IL15RA: variants seen among roughly 807,000 people sequenced by gnomAD.
The protein encoded by IL15RA is interleukin-15 receptor subunit alpha.
Under a neutral mutation model 24.2 loss-of-function variants are expected in IL15RA, and 26 were observed. That is an observed-to-expected ratio of 1.07 (90% CI 0.79 to 1.49). The LOEUF (loss-of-function observed/expected upper bound fraction) is 1.49, where lower values mean the gene tolerates loss of function less well. Ranked by LOEUF, IL15RA falls within the 40% of genes most tolerant of loss-of-function variation. The pLI is 0.00. For synonymous variants in IL15RA, 166 were observed against 157.6 expected, an observed-to-expected ratio of 1.05 and a Z score of -0.40; for missense variants, 354 against 356.4, an observed-to-expected ratio of 0.99 and a Z score of 0.05.
At position 5,964,970 on chromosome 10, in the gene IL15RA, G is replaced by A. The variant is rs1175825968; in HGVS notation, c.284-1129C>T. On this transcript the variant is annotated intron_variant, in intron 2 of 6. Transcript: ENST00000379977. This position sits in a 1 kb window ranked among gnomAD's most constrained non-coding sequence, Gnocchi z 5.6. Reference sequence around the variant, plus strand: ...GCCTGTGTGACTCGCTCTGTTCTGGGGGAGGAGGCTGAGCTACCACTACCA... The same window carrying A: ...GCCTGTGTGACTCGCTCTGTTCTGGAGGAGGAGGCTGAGCTACCACTACCA... Among the ~76,000 whole-genome samples, 1 of 152,208 alleles carries A rather than the reference G, an allele frequency of 6.6e-6. No homozygotes were observed. Among genetic ancestry groups the A allele is most frequent in the African/African-American group, 2.4e-5 (1 of 41,456 alleles).
Position 5,953,232 on chromosome 10 carries a change from T to G in IL15RA, c.693-26A>C, listed in dbSNP as rs367704281. On this transcript the variant is annotated intron_variant, in intron 6 of 6. Transcript: ENST00000379977. The surrounding 1 kb of genome is among the most constrained non-coding windows in gnomAD (Gnocchi z 5.3). ...CTGCAAAGCAGGTGGTTCATAGGTT[T>G]TGAAAAGAGGAGGGGGTTGCCCTCA... 436 of 1,550,142 alleles carry G rather than the reference T, an allele frequency of 2.8e-4. 1 individual carries two copies. Among genetic ancestry groups the G allele is most frequent in the Non-Finnish European group, 6.7e-5 (75 of 1,121,714 alleles).
downstream of IL15RA, among the ~76,000 whole-genome samples, chr10:5,950,117 G>A (rs1019284808): frequency 1.3e-5 from 2 of 151,732 alleles, no homozygotes; most frequent in South Asian, 2.1e-4. The surrounding 1 kb of genome is among the most constrained non-coding windows in gnomAD (Gnocchi z 5.6). Context: ...CTTATTTCTT[G>A]ATCAAGAAAA....
At chr10:5,954,806 A>G (rs1037863897) in intron 6 of IL15RA, among the ~76,000 whole-genome samples, 1 of 152,210 alleles carries the variant, frequency 6.6e-6, no homozygotes, top group African/African-American at 2.4e-5. Context: ...AGCATTTTAT[A>G]TTGGAAATTC....
intron 1 of IL15RA, among the ~76,000 whole-genome samples, chr10:5,974,369 C>A (rs1016336915): frequency 6.6e-6 from 1 of 152,030 alleles, no homozygotes; most frequent in Non-Finnish European, 1.5e-5. Flanking sequence ...ATATACATGG[C>A]AAATAAGCAC....
upstream of IL15RA, among the ~76,000 whole-genome samples, chr10:5,978,575 C>T (rs1838778681): frequency 6.6e-6 from 1 of 152,172 alleles, no homozygotes; most frequent in African/African-American, 2.4e-5. The surrounding 1 kb of genome is among the most constrained non-coding windows in gnomAD (Gnocchi z 5.2). Context: ...CAAACCTGCA[C>T]TTATAACCCT....
At position 5,960,324 on chromosome 10, in the gene IL15RA, G is replaced by A. The variant is rs754396171; in HGVS notation, c.583+43C>T. 2.6e-6 allele frequency: 4 copies of A among 1,536,212 alleles called. No individual in the cohort carries two copies. In the South Asian group the frequency reaches 4.5e-5, roughly 17 times the overall value. ...GATCTCAGCCCCGATCTCAGAAGCAGCAATGGGGAACTGACCTCTCCTGGG... is the reference window on the plus strand; with the variant it reads ...GATCTCAGCCCCGATCTCAGAAGCAACAATGGGGAACTGACCTCTCCTGGG... On this transcript the variant is annotated intron_variant, in intron 4 of 6. Transcript: ENST00000379977. This position sits in a 1 kb window ranked among gnomAD's most constrained non-coding sequence, Gnocchi z 5.1.
rs991111146 is a variant in IL15RA at position 5,971,097 on chromosome 10, C to A, written c.89-4758G>T. On this transcript the variant is annotated intron_variant, in intron 1 of 6. Coordinates refer to ENST00000379977, the MANE Select transcript of IL15RA (RefSeq NM_002189.4). The surrounding 1 kb of genome is among the most constrained non-coding windows in gnomAD (Gnocchi z 5.5). ...GAATTATACTTTCTATATATTCTCTCATAACATTGTTCCCTAGTTATTCAA... is the reference window on the plus strand; with the variant it reads ...GAATTATACTTTCTATATATTCTCTAATAACATTGTTCCCTAGTTATTCAA... Among the ~76,000 whole-genome samples the A allele has an allele frequency of 6.6e-6, 1 of 152,206 alleles. No homozygotes were observed. Among genetic ancestry groups the A allele is most frequent in the African/African-American group, 2.4e-5 (1 of 41,448 alleles).
At chr10:5,951,257 A>AG (rs1205214761), downstream of IL15RA, among the ~76,000 whole-genome samples, 1 of 149,924 alleles carries the variant, frequency 6.7e-6, no homozygotes, top group African/African-American at 2.5e-5. Context: ...CTTGAGGCGG[A>AG]GGTTGCAGTG....
rs1240017312 is a variant in IL15RA, at chr10:5,968,458, G to A, written c.89-2119C>T. Reference sequence around the variant, plus strand: ...GCGCTCTGCTCACTTCCTGTCTCAGGCATCTATTGTCCAGTGGCCGCCACT... The same window carrying A: ...GCGCTCTGCTCACTTCCTGTCTCAGACATCTATTGTCCAGTGGCCGCCACT... On this transcript the variant is annotated intron_variant, in intron 1 of 6. Coordinates refer to ENST00000379977, the MANE Select transcript of IL15RA (RefSeq NM_002189.4). The surrounding 1 kb of genome is among the most constrained non-coding windows in gnomAD (Gnocchi z 5.4). 13 of 319,230 alleles carry A rather than the reference G, an allele frequency of 4.1e-5. No homozygotes were observed. Among genetic ancestry groups the A allele is most frequent in the Non-Finnish European group, 7.1e-5 (12 of 169,278 alleles). The allele number at this position is 319,230 out of a possible 1,614,324, so 19.8% of individuals were successfully genotyped here. A position where few individuals can be genotyped will look rare whatever the true frequency, so the allele number is the denominator to read the frequency against.
In IL15RA at chr10:5,965,910, G is replaced by A. The variant is rs1396819015; in HGVS notation, c.283+235C>T. On this transcript the variant is annotated intron_variant, in intron 2 of 6. Coordinates refer to ENST00000379977, the MANE Select transcript of IL15RA (RefSeq NM_002189.4). This position sits in a 1 kb window ranked among gnomAD's most constrained non-coding sequence, Gnocchi z 5.8. Reference sequence around the variant, plus strand: ...TACTTTTTGTATTTTTAGTAGAAACGGGGTTTCACCATGTTGGCCGGGCTG... The same window carrying A: ...TACTTTTTGTATTTTTAGTAGAAACAGGGTTTCACCATGTTGGCCGGGCTG... Among the ~76,000 whole-genome samples the A allele has an allele frequency of 3.3e-5, 5 of 152,084 alleles. No homozygotes were observed. The highest frequency in any genetic ancestry group is 2.0e-4 in the Admixed American group (3 of 15,258).
At chr10:5,951,643 T>G (rs771860272), downstream of IL15RA, among the ~76,000 whole-genome samples, 4 of 152,222 alleles carry the variant, frequency 2.6e-5, no homozygotes, top group African/African-American at 9.6e-5. Flanking sequence ...CTGGCCAACA[T>G]AGCAAAACCC....
chr10:5,961,111 C>T lies in IL15RA; in HGVS notation c.383-544G>A, dbSNP rs560365493. On this transcript the variant is annotated intron_variant, in intron 3 of 6. Transcript: ENST00000379977. The surrounding 1 kb of genome is among the most constrained non-coding windows in gnomAD (Gnocchi z 5.2). ...TGTATTTTTAATAGAGATGGGGTTT[C>T]ACCACGTTGGCCAGGCCGGTCTCAA... Among the ~76,000 whole-genome samples the T allele has an allele frequency of 2.7e-4, 41 of 152,276 alleles. No homozygotes were observed. The highest frequency in any genetic ancestry group is 9.6e-4 in the African/African-American group (40 of 41,544).
chr10:5,966,190 C>A lies in IL15RA; in HGVS notation c.238G>T (p.Ala80Ser). Residue 80 changes from alanine (A) to serine (S), a missense_variant, in exon 2 of 7, where the codon GCC becomes TCC. Coordinates refer to ENST00000379977, the MANE Select transcript of IL15RA (RefSeq NM_002189.4). The surrounding 1 kb of genome is among the most constrained non-coding windows in gnomAD (Gnocchi z 6.4). Reference protein sequence around the residue: ...SSLTECVLNKATNVAHWTTPS... With the variant: ...SSLTECVLNKSTNVAHWTTPS... ...GTTGTCCAGTGGGCGACATTCGTGG[C>A]CTTGTTCAACACGCACTCCGTCAGG... 1.2e-6 allele frequency: 2 copies of A among 1,613,358 alleles called. No individual in the cohort carries two copies. Among genetic ancestry groups the A allele is most frequent in the South Asian group, 1.1e-5 (1 of 91,072 alleles).
Position 5,956,408 on chromosome 10 carries a change from C to T in IL15RA, c.663G>A (p.Val221=). Residue 221 remains valine (V), a synonymous_variant, in exon 6 of 7, where the codon GTG becomes GTA. Coordinates refer to ENST00000379977, the MANE Select transcript of IL15RA (RefSeq NM_002189.4). ...ACTTGAGGTAGCATGCCAGGAGAGACACAGCGCTCAGCCCACACAGCAGGA... is the reference window on the plus strand; with the variant it reads ...ACTTGAGGTAGCATGCCAGGAGAGATACAGCGCTCAGCCCACACAGCAGGA... ...STVLLCGLSA[V]SLLACYLKSR... The T allele has an allele frequency of 6.2e-7, 1 of 1,614,080 alleles. No homozygotes were observed. Among genetic ancestry groups the T allele is most frequent in the Non-Finnish European group, 8.5e-7 (1 of 1,179,970 alleles).
Position 5,975,045 on chromosome 10 carries a change from C to A in IL15RA, c.88+2360G>T, listed in dbSNP as rs1489396496. ...AAAAAAAAAAAAATTAAACATACAC[C>A]TGCCATATAACACAGCCACTCTACT... On this transcript the variant is annotated intron_variant, in intron 1 of 6. Coordinates refer to ENST00000379977, the MANE Select transcript of IL15RA (RefSeq NM_002189.4). The surrounding 1 kb of genome is among the most constrained non-coding windows in gnomAD (Gnocchi z 4.8). 1.3e-5 allele frequency among the ~76,000 whole-genome samples: 2 copies of A among 151,742 alleles called. No homozygotes were observed. The highest frequency in any genetic ancestry group is 2.4e-5 in the African/African-American group (1 of 41,318).
rs537059308 is a variant in IL15RA at position 5,963,150 on chromosome 10, C to A, written c.382+593G>T. On this transcript the variant is annotated intron_variant, in intron 3 of 6. Coordinates refer to ENST00000379977, the MANE Select transcript of IL15RA (RefSeq NM_002189.4). This position sits in a 1 kb window ranked among gnomAD's most constrained non-coding sequence, Gnocchi z 5.3. ...CTCTCAAGGGTGCTTCTACAGCAAG[C>A]GCCTTGGAAGACGGGGACATGGTCT... 2.6e-5 allele frequency among the ~76,000 whole-genome samples: 4 copies of A among 152,172 alleles called. No individual in the cohort carries two copies. The highest frequency in any genetic ancestry group is 5.9e-5 in the Non-Finnish European group (4 of 68,032).
Position 5,959,612 on chromosome 10 carries a change from T to G in IL15RA, c.616+142A>C, listed in dbSNP as rs1177071332. On this transcript the variant is annotated intron_variant, in intron 5 of 6. Transcript: ENST00000379977. This position sits in a 1 kb window ranked among gnomAD's most constrained non-coding sequence, Gnocchi z 4.1. ...CATAAATCAGCTATTACTTAACTTA[T>G]TATCTGATGGAGGCCTTCTGAGTGT... 4 of 711,138 alleles carry G rather than the reference T, an allele frequency of 5.6e-6. No individual in the cohort carries two copies. The Admixed American group carries it at 8.8e-5, about 16-fold the overall frequency. 44.1% of individuals were successfully genotyped at this position (711,138 alleles called of 1,614,324 possible).
chr10:5,951,101 C>T (rs1291141311), downstream of IL15RA, among the ~76,000 whole-genome samples: 2 of 132,206 alleles, frequency 1.5e-5, no homozygotes, highest in African/African-American at 5.7e-5. Flanking sequence ...GAGATTGTGC[C>T]ACTGCACTCC....
chr10:5,967,451 C>T lies in IL15RA; in HGVS notation c.89-1112G>A, dbSNP rs559051757. On this transcript the variant is annotated intron_variant, in intron 1 of 6. Transcript: ENST00000379977. This position sits in a 1 kb window ranked among gnomAD's most constrained non-coding sequence, Gnocchi z 4.4. ...ATCTCTTGACCTTGTGATCATCCCG[C>T]TTTGGCCTCCCAAAGTGTTGGGATT... Among the ~76,000 whole-genome samples the T allele has an allele frequency of 6.6e-6, 1 of 152,312 alleles. No homozygotes were observed. The highest frequency in any genetic ancestry group is 1.9e-4 in the East Asian group (1 of 5,174).
Sources: gnomAD v4.1 joint callset for allele counts (sites outside exome capture counted in the v4.1 genomes callset) on GRCh38, gnomAD v4.1.1 for gene constraint, Gnocchi (gnomAD v3.1) non-coding constraint, MANE v1.5 for transcripts, NCBI Gene and HGNC (gene_info 2026-07-23, HGNC 2026-07-21) for gene names.